The following RAB6B variants were observed in gnomAD, a reference collection of about 807,000 sequenced individuals.
The protein encoded by RAB6B is RAB6B, member RAS oncogene family.
Under a neutral mutation model 31.2 loss-of-function variants are expected in RAB6B, and 7 were observed. That is an observed-to-expected ratio of 0.22 (90% confidence interval 0.13 to 0.42). RAB6B has a LOEUF of 0.42. Among genes scored for constraint, RAB6B ranks in the 10% least tolerant of loss-of-function variants. The probability of loss-of-function intolerance (pLI) is 1.00; values close to 1 mark genes in which losing one functional copy is unlikely to be tolerated. For synonymous variants in RAB6B, 105 were observed against 104.9 expected (o/e 1.00, Z -0.01); for missense variants, 149 against 280.6 (o/e 0.53, Z 3.35).
intron 1 of RAB6B, among the ~76,000 whole-genome samples, 170 bp downstream of exon 1, chr3:133,895,227 T>G (rs1470605077): frequency 6.7e-6 from 1 of 149,810 alleles, no homozygotes. Context: ...GTCCTCACCC[T>G]TGGCCCCTCC....
At chr3:133,867,077 T>C (rs1405029848) in intron 1 of RAB6B, among the ~76,000 whole-genome samples, 1 of 152,192 alleles carries the variant, frequency 6.6e-6, no homozygotes, top group African/African-American at 2.4e-5. Context: ...TGGAAATCCC[T>C]GCAACACCTT....
intron 5 of RAB6B, 108 bp from the exon 6 acceptor site, chr3:133,838,367 T>G: frequency 1.0e-6 from 1 of 988,174 alleles, no homozygotes; most frequent in South Asian, 1.3e-5. Context: ...GGGCCCTTGG[T>G]CAGTCCTGAA....
chr3:133,865,287 C>A (rs186544424), intron 1 of RAB6B, among the ~76,000 whole-genome samples: 32 of 152,374 alleles, frequency 2.1e-4, no homozygotes, highest in Non-Finnish European at 7.3e-5. Flanking sequence ...GACTCACTCA[C>A]ACATCTGCAA....
At chr3:133,849,907 A>C (rs542987716) in intron 2 of RAB6B, among the ~76,000 whole-genome samples, 7 of 152,322 alleles carry the variant, frequency 4.6e-5, no homozygotes, top group African/African-American at 1.7e-4. Flanking sequence ...GTTACCAGAA[A>C]ATTTCTAGCT....
intron 1 of RAB6B, among the ~76,000 whole-genome samples, chr3:133,874,985 G>A (rs1936372367): frequency 6.6e-6 from 1 of 152,102 alleles, no homozygotes. Flanking sequence ...TAACAATACT[G>A]CTTTCTGGAG....
chr3:133,825,535 T>C lies in RAB6B; in HGVS notation c.*3253A>G, dbSNP rs1335926386. 6.6e-6 allele frequency: 1 copy of C among 152,230 alleles called. No individual in the cohort carries two copies. The highest frequency in any genetic ancestry group is 2.4e-5 in the African/African-American group (1 of 41,456). 9.4% of individuals were successfully genotyped at this position (152,230 alleles called of 1,614,324 possible). A position where few individuals can be genotyped will look rare whatever the true frequency, so the allele number is the denominator to read the frequency against. On this transcript the variant is annotated 3_prime_UTR_variant, in exon 8 of 8. Transcript: ENST00000285208. ...TGCTGCCAACAGCTACCAAGCCAAC[T>C]AGCCTTGGATCACACAACTGCAGCC...
chr3:133,826,835 C>A lies in RAB6B; in HGVS notation c.*1953G>T, dbSNP rs1164089166. 1.3e-5 allele frequency: 2 copies of A among 152,676 alleles called. No homozygotes were observed. Among genetic ancestry groups the A allele is most frequent in the Admixed American group, 1.3e-4 (2 of 15,288 alleles). The allele number at this position is 152,676 out of a possible 1,614,324, so 9.5% of individuals were successfully genotyped here. A position where few individuals can be genotyped will look rare whatever the true frequency, so the allele number is the denominator to read the frequency against. ...TGAATTTCCAAAACTTATCACAATG[C>A]AAGTTCCAACTTGAGAGCAGGAGAA... is the stretch of plus-strand genomic sequence containing the variant. On this transcript the variant is annotated 3_prime_UTR_variant, in exon 8 of 8. Coordinates refer to ENST00000285208, the MANE Select transcript of RAB6B (RefSeq NM_016577.4).
At chr3:133,869,567 T>C (rs370746595) in intron 1 of RAB6B, among the ~76,000 whole-genome samples, 1 of 152,214 alleles carries the variant, frequency 6.6e-6, no homozygotes, top group African/African-American at 2.4e-5. Flanking sequence ...CATAAAATAT[T>C]TCCCATCCCA....
intron 2 of RAB6B, among the ~76,000 whole-genome samples, chr3:133,847,222 G>T (rs989371434): frequency 6.6e-6 from 1 of 152,184 alleles, no homozygotes; most frequent in African/African-American, 2.4e-5. Context: ...TGTATTCTGT[G>T]TCACTGCTAA....
At position 133,824,315 on chromosome 3, in the gene RAB6B, T is replaced by C. The variant is rs1445059944; in HGVS notation, c.*4473A>G. 6.6e-6 allele frequency: 1 copy of C among 152,218 alleles called. No individual in the cohort carries two copies. The highest frequency in any genetic ancestry group is 2.4e-5 in the African/African-American group (1 of 41,444). 9.4% of individuals were successfully genotyped at this position (152,218 alleles called of 1,614,324 possible). A position where few individuals can be genotyped will look rare whatever the true frequency, so the allele number is the denominator to read the frequency against. ...ACATTTTACACAGTTTAATGTGAAATCAACATGGCGGCTATGTCTTCTGAG... is the reference window on the plus strand; with the variant it reads ...ACATTTTACACAGTTTAATGTGAAACCAACATGGCGGCTATGTCTTCTGAG... On this transcript the variant is annotated 3_prime_UTR_variant, in exon 8 of 8. Transcript: ENST00000285208.
intron 2 of RAB6B, among the ~76,000 whole-genome samples, chr3:133,854,236 A>G (rs989801853): frequency 8.5e-5 from 13 of 152,342 alleles, no homozygotes; most frequent in Non-Finnish European, 1.8e-4. Flanking sequence ...CTTCAGAGAG[A>G]CGGGTTCTAA....
At chr3:133,866,690 C>A (rs1006076636) in intron 1 of RAB6B, among the ~76,000 whole-genome samples, 16 of 152,376 alleles carry the variant, frequency 1.1e-4, no homozygotes, top group Admixed American at 4.6e-4. Context: ...CCTCCCATAC[C>A]TGGAGGATCA....
chr3:133,828,692 T>C lies in RAB6B; in HGVS notation c.*96A>G. On this transcript the variant is annotated 3_prime_UTR_variant, in exon 8 of 8. Coordinates refer to ENST00000285208, the MANE Select transcript of RAB6B (RefSeq NM_016577.4). The stretch of plus-strand genomic sequence containing the variant: ...GAGAGAAAAGAAAAATCCTCCCATC[T>C]TGATAACTCGGTTCCCTCCCCCCTT... The C allele has an allele frequency of 1.9e-6, 2 of 1,030,718 alleles. No homozygotes were observed. Among genetic ancestry groups the C allele is most frequent in the Non-Finnish European group, 2.8e-6 (2 of 718,860 alleles). 63.8% of individuals were successfully genotyped at this position (1,030,718 alleles called of 1,614,324 possible). A position where few individuals can be genotyped will look rare whatever the true frequency, so the allele number is the denominator to read the frequency against.
At chr3:133,889,429 TATATATATA>T (rs1936603688) in intron 1 of RAB6B, among the ~76,000 whole-genome samples, 7 of 82,136 alleles carry the variant, frequency 8.5e-5, no homozygotes, top group African/African-American at 2.9e-4. Flanking sequence ...TATATATATA[TATATATATA>T]TATATATTTA....
At chr3:133,875,124 G>A (rs1936373916) in intron 1 of RAB6B, among the ~76,000 whole-genome samples, 1 of 152,174 alleles carries the variant, frequency 6.6e-6, no homozygotes, top group African/African-American at 2.4e-5. Flanking sequence ...AGGAATTTTT[G>A]AGCTCCATTA....
intron 7 of RAB6B, among the ~76,000 whole-genome samples, chr3:133,829,759 T>C (rs905852880): frequency 1.3e-5 from 2 of 152,218 alleles, no homozygotes; most frequent in Non-Finnish European, 2.9e-5. Flanking sequence ...TGAAAAGCCA[T>C]GCTTCTCCTG....
intron 6 of RAB6B, among the ~76,000 whole-genome samples, chr3:133,835,428 T>C (rs1449396615): frequency 6.6e-6 from 1 of 151,546 alleles, no homozygotes; most frequent in African/African-American, 2.4e-5. Context: ...GTGTGCATAG[T>C]GTGTGTCCTT....
chr3:133,895,384 G>A lies in RAB6B; in HGVS notation c.70+13C>T. On this transcript the variant is annotated intron_variant, in intron 1 of 7. Coordinates refer to ENST00000285208, the MANE Select transcript of RAB6B (RefSeq NM_016577.4). Reference sequence around the variant, plus strand: ...ACTCGGCGACAAGCCAAGAGATTAAGCCGGGTACTTACCGCTCTGCTCCCC... The same window carrying A: ...ACTCGGCGACAAGCCAAGAGATTAAACCGGGTACTTACCGCTCTGCTCCCC... 1 of 1,609,784 alleles carries A rather than the reference G, an allele frequency of 6.2e-7. No individual in the cohort carries two copies. The highest frequency in any genetic ancestry group is 8.5e-7 in the Non-Finnish European group (1 of 1,177,782).
At chr3:133,833,184 T>C (rs930483822) in intron 7 of RAB6B, among the ~76,000 whole-genome samples, 1 of 151,988 alleles carries the variant, frequency 6.6e-6, no homozygotes, top group African/African-American at 2.4e-5. Flanking sequence ...CTCAAAGGAG[T>C]CCCATGTGAC....
Sources: allele counts gnomAD v4.1 joint callset (sites outside exome capture counted in the v4.1 genomes callset), GRCh38; gene constraint gnomAD v4.1.1; transcripts MANE v1.5; gene names NCBI Gene and HGNC (gene_info 2026-07-23, HGNC 2026-07-21).